The following FSTL5 variants were observed in gnomAD, a reference collection of about 807,000 sequenced individuals.
The protein encoded by FSTL5 is follistatin like 5, also known as follistatin-related protein 5.
In FSTL5, 62 loss-of-function variants were observed where a neutral mutation model predicts 89.1. That is an observed-to-expected ratio of 0.70 (90% confidence interval 0.57 to 0.86). FSTL5 has a LOEUF of 0.86. Among genes scored for constraint, FSTL5 ranks in the 40% least tolerant of loss-of-function variants. The pLI, the probability that FSTL5 is intolerant of heterozygous loss-of-function variation, is 0.00. For missense variants in FSTL5, 1,057 were observed against 1,001.6 expected (o/e 1.06, Z -0.75); for synonymous variants, 383 against 346.2 (o/e 1.11, Z -1.18).
chr4:161,623,941 T>G (rs1735225158), intron 7 of FSTL5, among the ~76,000 whole-genome samples: 2 of 151,998 alleles, frequency 1.3e-5, no homozygotes, highest in South Asian at 2.1e-4. Context: ...TTAAAGAAAT[T>G]TATATAGTTC....
At chr4:161,521,427 A>G (rs1374232182) in intron 10 of FSTL5, among the ~76,000 whole-genome samples, 1 of 152,038 alleles carries the variant, frequency 6.6e-6, no homozygotes, top group East Asian at 1.9e-4. Context: ...CTATTCTGTG[A>G]GAAGCCTTAA....
chr4:161,590,190 A>G (rs933690181), intron 7 of FSTL5, among the ~76,000 whole-genome samples: 2 of 152,208 alleles, frequency 1.3e-5, no homozygotes, highest in East Asian at 3.9e-4. Context: ...AAGAAAATTT[A>G]TCTGATAAGG....
At chr4:162,093,678 A>G (rs905266505) in intron 2 of FSTL5, among the ~76,000 whole-genome samples, 4 of 152,148 alleles carry the variant, frequency 2.6e-5, no homozygotes, top group Non-Finnish European at 4.4e-5. Flanking sequence ...ACTGGTAATC[A>G]CTATGTTTCC....
chr4:161,541,055 C>A (rs1173774005), intron 9 of FSTL5, among the ~76,000 whole-genome samples: 1 of 152,094 alleles, frequency 6.6e-6, no homozygotes, highest in African/African-American at 2.4e-5. Flanking sequence ...GCCATTGCCA[C>A]AGATACTAAA....
At chr4:161,796,840 C>T (rs1434610) in intron 4 of FSTL5, among the ~76,000 whole-genome samples, 149,447 of 151,546 alleles carry the variant, frequency 0.99, 73,716 homozygotes, top group East Asian at 1. Flanking sequence ...AAATTATTAT[C>T]TTACTCTCAT....
At chr4:161,433,118 TAAAA>T (rs55646334) in intron 15 of FSTL5, among the ~76,000 whole-genome samples, 1 of 146,734 alleles carries the variant, frequency 6.8e-6, no homozygotes. Context: ...AAAGACACAT[TAAAA>T]AAAAAAAAAA....
At chr4:161,766,787 A>G (rs1335145302) in intron 5 of FSTL5, among the ~76,000 whole-genome samples, 1 of 152,182 alleles carries the variant, frequency 6.6e-6, no homozygotes, top group Non-Finnish European at 1.5e-5. Flanking sequence ...CTGTATAGGC[A>G]CTTCTGGATT....
At chr4:161,631,099 T>C (rs992097722) in intron 7 of FSTL5, among the ~76,000 whole-genome samples, 8 of 152,158 alleles carry the variant, frequency 5.3e-5, no homozygotes, top group African/African-American at 1.4e-4. Context: ...TTCAAGAAAA[T>C]AGATTCTTCA....
chr4:161,748,740 A>G (rs528280915), intron 6 of FSTL5, among the ~76,000 whole-genome samples: 1 of 151,980 alleles, frequency 6.6e-6, no homozygotes, highest in African/African-American at 2.4e-5. Context: ...TTTAAAAATT[A>G]GAAAAGCTAT....
chr4:161,980,885 T>G (rs1469302344), intron 3 of FSTL5, among the ~76,000 whole-genome samples: 1 of 150,556 alleles, frequency 6.6e-6, no homozygotes, highest in East Asian at 2.0e-4. Flanking sequence ...CAAGCAATTT[T>G]CCTGCCTCAG....
intron 7 of FSTL5, among the ~76,000 whole-genome samples, chr4:161,643,890 C>T (rs4691778): frequency 0.99 from 151,051 of 152,204 alleles, 74,963 homozygotes; most frequent in Middle Eastern, 1. Flanking sequence ...CAATGCATAA[C>T]TGCAAATATA....
At chr4:161,700,916 T>C (rs541335164) in intron 6 of FSTL5, among the ~76,000 whole-genome samples, 1 of 152,208 alleles carries the variant, frequency 6.6e-6, no homozygotes, top group Non-Finnish European at 1.5e-5. Flanking sequence ...AACAATAATG[T>C]AGTTTGGAGC....
chr4:161,829,323 T>C lies in FSTL5; in HGVS notation c.410-53249A>G, dbSNP rs34504211. ...AGGAAAATATTAAACTATTTCCTTT[T>C]ATGGGTAAAAGCTAAAAGAAAAAAA... On this transcript the variant is annotated intron_variant, in intron 4 of 15. Transcript: ENST00000306100. 4.4e-3 allele frequency among the ~76,000 whole-genome samples: 661 copies of C among 151,304 alleles called. 5 individuals are homozygous for C. Among genetic ancestry groups the C allele is most frequent in the African/African-American group, 0.015 (617 of 41,402 alleles).
chr4:161,920,587 A>T lies in FSTL5; in HGVS notation c.226T>A (p.Cys76Ser). ...TGCCCTGTCTCTCTGCTGGTAACAC[A>T]GTGTCTTCCCAAACCACAGTACTTA... ...ENKYCGLGRHCVTSRETGQAE... is the reference protein window; with the variant it reads ...ENKYCGLGRHSVTSRETGQAE... Residue 76 changes from cysteine (C) to serine (S), a missense_variant, in exon 4 of 16, where the codon TGT becomes AGT. Around this residue, in one of 3 missense-constraint regions of FSTL5, gnomAD observed 980 missense variants for 903.2 expected, o/e 1.08. Coordinates refer to ENST00000306100, the MANE Select transcript of FSTL5 (RefSeq NM_020116.5). 4 of 1,613,966 alleles carry T rather than the reference A, an allele frequency of 2.5e-6. No homozygotes were observed. Among genetic ancestry groups the T allele is most frequent in the South Asian group, 2.2e-5 (2 of 91,080 alleles).
intron 4 of FSTL5, among the ~76,000 whole-genome samples, chr4:161,898,037 G>A (rs1733224252): frequency 6.7e-6 from 1 of 149,584 alleles, no homozygotes; most frequent in Admixed American, 6.7e-5. Flanking sequence ...CTCTCCATTT[G>A]TCTATTTGTG....
chr4:161,817,838 G>A (rs1730373631), intron 4 of FSTL5, among the ~76,000 whole-genome samples: 1 of 152,196 alleles, frequency 6.6e-6, no homozygotes, highest in Non-Finnish European at 1.5e-5. Flanking sequence ...GTAAATCTTA[G>A]AGTAATATTT....
At chr4:161,542,445 T>G (rs543028289) in intron 9 of FSTL5, 87 bp downstream of exon 9, 20 of 879,196 alleles carry the variant, frequency 2.3e-5, no homozygotes, top group Admixed American at 6.4e-5. Context: ...ACACTCATTT[T>G]TCTTTTATTT....
intron 6 of FSTL5, among the ~76,000 whole-genome samples, chr4:161,702,561 A>C (rs1738431716): frequency 6.6e-6 from 1 of 152,104 alleles, no homozygotes. Context: ...TCAGACTGTG[A>C]TCATTGTGAT....
At chr4:162,133,933 C>G (rs875998) in intron 1 of FSTL5, among the ~76,000 whole-genome samples, 35,361 of 152,018 alleles carry the variant, frequency 0.23, 4,307 homozygotes, top group Non-Finnish European at 0.26. Flanking sequence ...TTGCCTCTCT[C>G]GACAGCTAGA....
Sources: allele counts gnomAD v4.1 joint callset (sites outside exome capture counted in the v4.1 genomes callset), GRCh38; gene constraint gnomAD v4.1.1; regional missense constraint gnomAD v4.1.1; transcripts MANE v1.5; gene names NCBI Gene and HGNC (gene_info 2026-07-23, HGNC 2026-07-21).